ABLIM1: variants seen among roughly 807,000 people sequenced by gnomAD.
ABLIM1 encodes the protein actin-binding LIM protein 1.
Under a neutral mutation model 107.0 loss-of-function variants are expected in ABLIM1, and 40 were observed. The ratio of observed to expected loss-of-function variants is 0.37; its 90% CI spans 0.29 to 0.49. The LOEUF (loss-of-function observed/expected upper bound fraction) is 0.49. ABLIM1 is among the 20% of genes least tolerant of loss of function. ABLIM1 has a pLI of 0.97. For synonymous variants in ABLIM1, 357 were observed against 357.3 expected (o/e 1.00, Z 0.01); for missense variants, 857 against 1,008.5 (o/e 0.85, Z 2.04).
chr10:114,454,521 C>T (rs1468836309), intron 12 of ABLIM1, among the ~76,000 whole-genome samples: 1 of 152,034 alleles, frequency 6.6e-6, no homozygotes, highest in Non-Finnish European at 1.5e-5. Flanking sequence ...CAGGACTGGC[C>T]ACCTTGTCTG....
At chr10:114,718,116 AAAGAAAAAGAAAG>A (rs1258178780) in intron 1 of ABLIM1, among the ~76,000 whole-genome samples, 1 of 126,456 alleles carries the variant, frequency 7.9e-6, no homozygotes, top group Non-Finnish European at 1.9e-5. Flanking sequence ...AAAAAGAAAG[AAAGAAAAAGAAAG>A]AAAAGAAAGA....
At chr10:114,442,616 G>A (rs934328108) in intron 17 of ABLIM1, among the ~76,000 whole-genome samples, 1 of 152,148 alleles carries the variant, frequency 6.6e-6, no homozygotes, top group East Asian at 1.9e-4. Context: ...TCCAGGTAAG[G>A]GTGTGGGCTC....
Position 114,466,496 on chromosome 10 carries a change from C to T in ABLIM1, c.1312-669G>A, listed in dbSNP as rs1024534849. Among the ~76,000 whole-genome samples the T allele has an allele frequency of 4.6e-5, 7 of 152,236 alleles. No homozygotes were observed. In the East Asian group the frequency reaches 1.2e-3, roughly 25 times the overall value. On this transcript the variant is annotated intron_variant, in intron 11 of 22. Transcript: ENST00000533213. Reference sequence around the variant, plus strand: ...GTCACATACTATCACCTCCCTCCCCCACTAATGTAGAAACATGGTTCCAAG... The same window carrying T: ...GTCACATACTATCACCTCCCTCCCCTACTAATGTAGAAACATGGTTCCAAG...
chr10:114,545,531 A>T (rs1433274850), intron 5 of ABLIM1, among the ~76,000 whole-genome samples: 2 of 152,254 alleles, frequency 1.3e-5, no homozygotes, highest in African/African-American at 4.8e-5. Flanking sequence ...AATAGGCAAT[A>T]TCACACCTGA....
intron 1 of ABLIM1, among the ~76,000 whole-genome samples, chr10:114,605,282 G>A (rs2497666): frequency 0.82 from 124,263 of 152,172 alleles, 52,086 homozygotes; most frequent in East Asian, 1. Context: ...CAGTCTGGTT[G>A]TTACCACATG....
At chr10:114,718,947 A>G (rs981202485) in intron 1 of ABLIM1, among the ~76,000 whole-genome samples, 2 of 152,186 alleles carry the variant, frequency 1.3e-5, no homozygotes, top group Non-Finnish European at 2.9e-5. Flanking sequence ...TACCTCCAGG[A>G]GTATAAGTGG....
At chr10:114,454,315 T>G (rs2062414373) in intron 12 of ABLIM1, among the ~76,000 whole-genome samples, 1 of 152,192 alleles carries the variant, frequency 6.6e-6, no homozygotes, top group South Asian at 2.1e-4. Flanking sequence ...AATTGTTTAC[T>G]CTGAGGTATA....
At chr10:114,695,303 C>T (rs1193691506) in intron 1 of ABLIM1, among the ~76,000 whole-genome samples, 3 of 152,014 alleles carry the variant, frequency 2.0e-5, no homozygotes, top group African/African-American at 7.3e-5. Context: ...TTTATAGAGC[C>T]CTTAAAACAT....
the ABLIM1 span, chr10:114,779,243 T>A: frequency 6.6e-6 from 1 of 152,334 alleles, no homozygotes; most frequent in Admixed American, 6.5e-5. Context: ...TTATTTCATG[T>A]CTATAACCAC....
the ABLIM1 span, among the ~76,000 whole-genome samples, chr10:114,801,068 C>G: frequency 1.9e-4 from 29 of 152,102 alleles, no homozygotes; most frequent in Non-Finnish European, 3.1e-4. Context: ...GGTATATATA[C>G]ATTACATACT....
At chr10:114,564,226 A>G (rs1296681049) in intron 4 of ABLIM1, among the ~76,000 whole-genome samples, 1 of 151,608 alleles carries the variant, frequency 6.6e-6, no homozygotes, top group Non-Finnish European at 1.5e-5. Context: ...GACACACAAT[A>G]ACAAAGCCTT....
At chr10:114,672,242 C>A (rs1246831659) in intron 1 of ABLIM1, among the ~76,000 whole-genome samples, 4 of 149,758 alleles carry the variant, frequency 2.7e-5, no homozygotes, top group Non-Finnish European at 5.9e-5. Flanking sequence ...ACTCTGTTGC[C>A]CAGGCTGGAG....
chr10:114,724,455 C>T (rs1054663538), intron 1 of ABLIM1, among the ~76,000 whole-genome samples: 4 of 152,134 alleles, frequency 2.6e-5, no homozygotes, highest in African/African-American at 9.7e-5. Flanking sequence ...CTGTTTCTGC[C>T]TCAGGCCATG....
intron 1 of ABLIM1, chr10:114,632,103 G>A: frequency 3.0e-6 from 3 of 985,106 alleles, no homozygotes; most frequent in Non-Finnish European, 3.6e-6. Context: ...CCGCTCCCAT[G>A]CCCGCCCCGC....
upstream of ABLIM1, among the ~76,000 whole-genome samples, chr10:114,661,310 G>A (rs1262590087): frequency 6.6e-6 from 1 of 152,186 alleles, no homozygotes; most frequent in African/African-American, 2.4e-5. Context: ...AGTGGAGAGG[G>A]ATGAGAGTTC....
At chr10:114,462,427 T>C (rs2064139207) in intron 12 of ABLIM1, among the ~76,000 whole-genome samples, 1 of 151,948 alleles carries the variant, frequency 6.6e-6, no homozygotes, top group African/African-American at 2.4e-5. Context: ...CCGACAATGA[T>C]GAAAAAGAAG....
chr10:114,587,790 C>G (rs1056313249), intron 2 of ABLIM1, among the ~76,000 whole-genome samples: 24 of 152,060 alleles, frequency 1.6e-4, no homozygotes, highest in African/African-American at 5.8e-4. Context: ...ATCTTGTTTC[C>G]TGCTTGGCAA....
chr10:114,613,716 C>T, intron 1 of ABLIM1: 6 of 1,318,202 alleles, frequency 4.6e-6, no homozygotes, highest in Non-Finnish European at 5.0e-6. Context: ...CCTGTGTTCA[C>T]AGCATCCAAC....
chr10:114,491,429 T>C (rs1273452347), intron 7 of ABLIM1, among the ~76,000 whole-genome samples: 3 of 152,164 alleles, frequency 2.0e-5, no homozygotes, highest in Admixed American at 6.5e-5. Flanking sequence ...TTTCTAGAAA[T>C]TTCTAGAAAT....
Sources: allele counts gnomAD v4.1 joint callset (sites outside exome capture counted in the v4.1 genomes callset), GRCh38; gene constraint gnomAD v4.1.1; transcripts MANE v1.5; gene names NCBI Gene and HGNC (gene_info 2026-07-23, HGNC 2026-07-21).